MACROD1: variants seen among roughly 807,000 people sequenced by gnomAD.
MACROD1 encodes the protein mono-ADP ribosylhydrolase 1, also known as ADP-ribose glycohydrolase MACROD1.
In MACROD1, 31 loss-of-function variants were observed where a neutral mutation model predicts 41.4. The observed-to-expected ratio is 0.75, with a 90% confidence interval of 0.56 to 1.01. MACROD1 has a LOEUF of 1.01. Among genes scored for constraint, MACROD1 ranks in the 50% least tolerant of loss-of-function variants. The pLI is 0.00. For synonymous variants in MACROD1, 252 were observed against 203.4 expected, an observed-to-expected ratio of 1.24 and a Z score of -2.03; for missense variants, 473 against 460.0, an observed-to-expected ratio of 1.03 and a Z score of -0.26.
chr11:64,119,835 A>T (rs2134631503), intron 3 of MACROD1, among the ~76,000 whole-genome samples: 1 of 152,296 alleles, frequency 6.6e-6, no homozygotes, highest in East Asian at 1.9e-4. Context: ...GAGCCATGAG[A>T]TTAAAACGAT....
chr11:64,117,825 G>A (rs1158889287), intron 3 of MACROD1: 3 of 1,614,220 alleles, frequency 1.9e-6, no homozygotes, highest in African/African-American at 2.7e-5. Flanking sequence ...CGTAGCTGAT[G>A]AGACACCCGT....
intron 3 of MACROD1, among the ~76,000 whole-genome samples, chr11:64,109,945 G>A (rs1944830059): frequency 1.3e-5 from 2 of 152,132 alleles, no homozygotes; most frequent in African/African-American, 2.4e-5. Context: ...TACTGCAGAA[G>A]CTAGGCCGTG....
intron 4 of MACROD1, among the ~76,000 whole-genome samples, chr11:64,013,810 C>G (rs1943046117): frequency 6.6e-6 from 1 of 152,210 alleles, no homozygotes; most frequent in African/African-American, 2.4e-5. Context: ...CCTCCACTTC[C>G]AGGCCTTTGC....
intron 3 of MACROD1, among the ~76,000 whole-genome samples, chr11:64,095,800 A>G (rs1222333401): frequency 4.6e-5 from 7 of 152,166 alleles, no homozygotes. Flanking sequence ...GGGCTCCTGA[A>G]ATAGGCCAAG....
At chr11:64,069,631 T>C (rs919625654) in intron 3 of MACROD1, among the ~76,000 whole-genome samples, 2 of 152,014 alleles carry the variant, frequency 1.3e-5, no homozygotes, top group African/African-American at 2.4e-5. Flanking sequence ...TGCAGTGGCC[T>C]GACCCCATCC....
In MACROD1 at chr11:63,998,850, G is replaced by T. The variant is rs1265815965; in HGVS notation, c.*18C>A. The T allele has an allele frequency of 9.4e-6, 15 of 1,588,468 alleles. No individual in the cohort carries two copies. Among genetic ancestry groups the T allele is most frequent in the African/African-American group, 1.3e-5 (1 of 74,560 alleles). On this transcript the variant is annotated 3_prime_UTR_variant, in exon 10 of 11. Transcript: ENST00000255681. ...AGGCCCTGCTTACCAGTCCCGGTCA[G>T]GGTGGGCTGCGGGAGCCTCAGGCTG...
intron 3 of MACROD1, among the ~76,000 whole-genome samples, chr11:64,095,649 G>A (rs1458465277): frequency 1.3e-5 from 2 of 152,232 alleles, no homozygotes; most frequent in East Asian, 3.9e-4. Flanking sequence ...TAACTCGGAT[G>A]ATGGCATATG....
At chr11:64,124,892 C>G (rs928062132) in intron 3 of MACROD1, among the ~76,000 whole-genome samples, 2 of 152,186 alleles carry the variant, frequency 1.3e-5, no homozygotes, top group Admixed American at 6.5e-5. Context: ...GTTGCTCAGA[C>G]TGGTATTGAA....
intron 3 of MACROD1, among the ~76,000 whole-genome samples, chr11:64,028,309 G>T (rs1313439087): frequency 6.6e-6 from 1 of 152,248 alleles, no homozygotes; most frequent in Admixed American, 6.5e-5. Flanking sequence ...GCCTTGTCCT[G>T]TGGGGACACG....
chr11:64,074,048 C>G (rs973330840), intron 3 of MACROD1, among the ~76,000 whole-genome samples: 4 of 152,214 alleles, frequency 2.6e-5, no homozygotes, highest in African/African-American at 9.6e-5. Flanking sequence ...CCACTGTCAG[C>G]CCGGCCAGCT....
At chr11:64,025,187 C>G (rs1028968637) in intron 3 of MACROD1, among the ~76,000 whole-genome samples, 1 of 152,124 alleles carries the variant, frequency 6.6e-6, no homozygotes, top group African/African-American at 2.4e-5. Context: ...CCATGTTGGC[C>G]AGGCTAGTCT....
At chr11:64,074,775 A>T (rs548672764) in intron 3 of MACROD1, among the ~76,000 whole-genome samples, 1 of 152,278 alleles carries the variant, frequency 6.6e-6, no homozygotes, top group Admixed American at 6.5e-5. Flanking sequence ...TCATGAAACA[A>T]GCAGGTTATT....
chr11:64,002,556 C>T (rs1942843662), intron 4 of MACROD1, among the ~76,000 whole-genome samples: 1 of 152,146 alleles, frequency 6.6e-6, no homozygotes, highest in Admixed American at 6.5e-5. Context: ...ACTGTCAGCC[C>T]ACTGCTACCC....
At chr11:64,150,297 C>T (rs991798673) in intron 3 of MACROD1, among the ~76,000 whole-genome samples, 2 of 152,228 alleles carry the variant, frequency 1.3e-5, no homozygotes. Context: ...GCGCTGGGGC[C>T]AGGCACGACC....
At chr11:64,101,116 G>T (rs1398933634) in intron 3 of MACROD1, among the ~76,000 whole-genome samples, 4 of 152,020 alleles carry the variant, frequency 2.6e-5, no homozygotes, top group Non-Finnish European at 4.4e-5. Flanking sequence ...GACCACACAA[G>T]CCAAGCAGAG....
chr11:63,999,974 G>A, intron 5 of MACROD1: 1 of 669,688 alleles, frequency 1.5e-6, no homozygotes, highest in African/African-American at 1.8e-5. Context: ...ATCTGTATGG[G>A]CCCGGCTGAG....
chr11:64,068,867 C>T (rs563803279), intron 3 of MACROD1, among the ~76,000 whole-genome samples: 16 of 152,242 alleles, frequency 1.1e-4, no homozygotes, highest in Admixed American at 3.3e-4. Context: ...CTCGGCCTTC[C>T]CCGGAGGTTC....
intron 3 of MACROD1, among the ~76,000 whole-genome samples, chr11:64,134,254 C>T (rs1219590813): frequency 6.6e-6 from 1 of 152,204 alleles, no homozygotes; most frequent in Non-Finnish European, 1.5e-5. Flanking sequence ...CCATGTCCAT[C>T]ACAGTCATTC....
intron 3 of MACROD1, among the ~76,000 whole-genome samples, chr11:64,071,759 G>A (rs1944111404): frequency 6.6e-6 from 1 of 152,190 alleles, no homozygotes; most frequent in South Asian, 2.1e-4. Context: ...CAGGAGACTG[G>A]CCTGCCCCAT....
Sources: allele counts gnomAD v4.1 joint callset (sites outside exome capture counted in the v4.1 genomes callset), GRCh38; gene constraint gnomAD v4.1.1; transcripts MANE v1.5; gene names NCBI Gene and HGNC (gene_info 2026-07-23, HGNC 2026-07-21).